TMTC4: variants seen among roughly 807,000 people sequenced by gnomAD.
TMTC4 encodes protein O-mannosyl-transferase TMTC4.
TMTC4 carries 65 observed loss-of-function variants against 86.0 expected under a neutral mutation model. The ratio of observed to expected loss-of-function variants is 0.76; its 90% CI spans 0.62 to 0.93. The LOEUF is 0.93. Ranked by LOEUF, TMTC4 falls within the 40% of genes least tolerant of loss-of-function variation. The pLI is 0.00. For synonymous variants in TMTC4, 379 were observed against 382.5 expected (o/e 0.99, Z 0.11); for missense variants, 866 against 948.1 (o/e 0.91, Z 1.14).
At chr13:100,634,737 T>C (rs1439911557) in intron 12 of TMTC4, 68 bp downstream of exon 12, 4 of 1,547,472 alleles carry the variant, frequency 2.6e-6, no homozygotes, top group South Asian at 1.2e-5. Flanking sequence ...GAAATGTTCT[T>C]ATTCAGCCCA....
chr13:100,615,866 A>T (rs1016895555), intron 15 of TMTC4, among the ~76,000 whole-genome samples: 4 of 152,230 alleles, frequency 2.6e-5, no homozygotes, highest in Non-Finnish European at 5.9e-5. Flanking sequence ...TAGTGAGCAC[A>T]GTACCCAATA....
At chr13:100,660,191 T>G (rs1885594716) in intron 5 of TMTC4, among the ~76,000 whole-genome samples, 1 of 151,176 alleles carries the variant, frequency 6.6e-6, no homozygotes, top group Non-Finnish European at 1.5e-5. Context: ...ATTAACCGGA[T>G]GTGGTGGTGC....
At position 100,642,201 on chromosome 13, in the gene TMTC4, C is replaced by T. The variant is rs770702567; in HGVS notation, c.741+10G>A. 34 of 1,613,594 alleles carry T rather than the reference C, an allele frequency of 2.1e-5. No individual in the cohort carries two copies. Among genetic ancestry groups the T allele is most frequent in the Non-Finnish European group, 5.1e-6 (6 of 1,179,634 alleles). ...GAAAAAGCAGGCCCCAGCCATGTTG[C>T]GGCTCTCACCAGCACAGTGATCCCT... On this transcript the variant is annotated intron_variant, in intron 7 of 18. Transcript: ENST00000342624.
At chr13:100,659,820 G>A (rs1353811192) in intron 5 of TMTC4, among the ~76,000 whole-genome samples, 1 of 149,836 alleles carries the variant, frequency 6.7e-6, no homozygotes, top group Non-Finnish European at 1.5e-5. Context: ...AGACTGTGAG[G>A]TGCCCAAGTC....
intron 12 of TMTC4, among the ~76,000 whole-genome samples, chr13:100,630,809 T>C (rs1157344147): frequency 2.0e-5 from 3 of 152,186 alleles, no homozygotes; most frequent in Admixed American, 6.5e-5. Flanking sequence ...AGTGTTCTGT[T>C]AGACACTCAG....
chr13:100,624,746 T>G (rs943623525), intron 15 of TMTC4, among the ~76,000 whole-genome samples: 1 of 152,228 alleles, frequency 6.6e-6, no homozygotes, highest in Admixed American at 6.5e-5. Context: ...TCACTATGGA[T>G]GTATTCCAGT....
At chr13:100,644,955 C>T (rs1883525661) in intron 6 of TMTC4, among the ~76,000 whole-genome samples, 1 of 152,124 alleles carries the variant, frequency 6.6e-6, no homozygotes, top group African/African-American at 2.4e-5. Flanking sequence ...GCTGGGACTA[C>T]AGATGCACGC....
intron 1 of TMTC4, among the ~76,000 whole-genome samples, chr13:100,671,170 C>A (rs546882128): frequency 2.0e-5 from 3 of 152,232 alleles, no homozygotes; most frequent in African/African-American, 7.2e-5. Context: ...TTGGCTCATG[C>A]AATATATTTT....
At chr13:100,674,446 G>T in intron 1 of TMTC4, 3 of 898,332 alleles carry the variant, frequency 3.3e-6, no homozygotes, top group Non-Finnish European at 4.0e-6. Context: ...GGCTGGGGGC[G>T]GCGACCTCTG....
At chr13:100,623,081 G>A (rs1751294685) in intron 15 of TMTC4, among the ~76,000 whole-genome samples, 1 of 152,106 alleles carries the variant, frequency 6.6e-6, no homozygotes. Flanking sequence ...TAAATGTAAA[G>A]CAGTCAGTGT....
At chr13:100,660,434 C>T (rs543040582) in intron 5 of TMTC4, among the ~76,000 whole-genome samples, 2 of 151,894 alleles carry the variant, frequency 1.3e-5, no homozygotes, top group African/African-American at 4.8e-5. Flanking sequence ...TACACTGAGA[C>T]AAATGGGGTA....
intron 3 of TMTC4, among the ~76,000 whole-genome samples, chr13:100,664,925 T>C (rs2139043377): frequency 6.6e-6 from 1 of 152,336 alleles, no homozygotes; most frequent in East Asian, 1.9e-4. Context: ...GTCAAATAAG[T>C]GGACCACACA....
chr13:100,633,672 A>G (rs1324307908), intron 12 of TMTC4, among the ~76,000 whole-genome samples: 6 of 152,254 alleles, frequency 3.9e-5, no homozygotes. Context: ...TTTGAACATC[A>G]TAAGAGTGTA....
At chr13:100,641,740 G>A (rs1387022268) in intron 7 of TMTC4, among the ~76,000 whole-genome samples, 2 of 152,154 alleles carry the variant, frequency 1.3e-5, no homozygotes, top group East Asian at 1.9e-4. Flanking sequence ...GCCCGCCTTG[G>A]CCTCCCAAAG....
chr13:100,634,736 T>C (rs1881952779), intron 12 of TMTC4, 69 bp downstream of exon 12: 2 of 1,545,716 alleles, frequency 1.3e-6, no homozygotes, highest in Non-Finnish European at 1.7e-6. Flanking sequence ...GGAAATGTTC[T>C]TATTCAGCCC....
intron 3 of TMTC4, among the ~76,000 whole-genome samples, chr13:100,667,760 A>G (rs930149243): frequency 3.1e-4 from 47 of 152,282 alleles, no homozygotes; most frequent in Admixed American, 6.5e-5. Context: ...CACACATAAA[A>G]TATCTTCTGA....
At position 100,628,964 on chromosome 13, in the gene TMTC4, C is replaced by A. The variant is rs1257337230; in HGVS notation, c.1507-2814G>T. Among the ~76,000 whole-genome samples, 3 of 152,098 alleles carry A rather than the reference C, an allele frequency of 2.0e-5. No homozygotes were observed. In the South Asian group the frequency reaches 6.2e-4, roughly 32 times the overall value. On this transcript the variant is annotated intron_variant, in intron 12 of 18. Transcript: ENST00000342624. ...AGGAGTTCGAGACCAGCGTGTCCAACATGGTGAAACCCCATCTCTACTAAA... is the reference window on the plus strand; with the variant it reads ...AGGAGTTCGAGACCAGCGTGTCCAAAATGGTGAAACCCCATCTCTACTAAA...
intron 6 of TMTC4, among the ~76,000 whole-genome samples, chr13:100,648,293 G>A (rs1213239536): frequency 6.6e-6 from 1 of 151,746 alleles, no homozygotes; most frequent in Non-Finnish European, 1.5e-5. Context: ...TGTGTTGTTA[G>A]TGTGGAATAC....
intron 7 of TMTC4, among the ~76,000 whole-genome samples, chr13:100,641,659 G>T (rs922416597): frequency 6.6e-6 from 1 of 152,056 alleles, no homozygotes; most frequent in East Asian, 1.9e-4. Context: ...GGCTAATTTT[G>T]TATTTTTAGT....
Sources: allele counts gnomAD v4.1 joint callset (sites outside exome capture counted in the v4.1 genomes callset), GRCh38; gene constraint gnomAD v4.1.1; transcripts MANE v1.5; gene names NCBI Gene and HGNC (gene_info 2026-07-23, HGNC 2026-07-21).